The following ZNF469 variants were observed in gnomAD, a reference collection of about 807,000 sequenced individuals.
The protein encoded by ZNF469 is zinc finger protein 469.
In ZNF469, 1 loss-of-function variant was observed where a neutral mutation model predicts 1.0. That is an observed-to-expected ratio of 1.00 (90% CI 0.35 to 4.73). The LOEUF (loss-of-function observed/expected upper bound fraction) is 4.73, where lower values mean the gene tolerates loss of function less well. Ranked by LOEUF, ZNF469 falls within the 30% of genes most tolerant of loss-of-function variation. ZNF469 has a pLI of 0.16. For missense variants in ZNF469, 6,100 were observed against 5,356.3 expected (o/e 1.14, Z -4.33); for synonymous variants, 2,703 against 2,363.4 (o/e 1.14, Z -4.17).
At chr16:88,148,997 G>A in the ZNF469 span, among the ~76,000 whole-genome samples, 9 of 152,194 alleles carry the variant, frequency 5.9e-5, no homozygotes. Flanking sequence ...CATCCTCAAG[G>A]GTGAGGTCAG....
chr16:88,399,508 C>T (rs1462460272), intron 1 of ZNF469, among the ~76,000 whole-genome samples: 1 of 152,122 alleles, frequency 6.6e-6, no homozygotes, highest in African/African-American at 2.4e-5. Flanking sequence ...GTGAGAAGCC[C>T]GGCTGTGGGT....
chr16:88,369,714 C>T, the ZNF469 span, among the ~76,000 whole-genome samples: 5 of 152,234 alleles, frequency 3.3e-5, no homozygotes, highest in Non-Finnish European at 7.3e-5. Flanking sequence ...GATGACAGAG[C>T]AGGCTCTTGC....
chr16:88,314,190 G>A, the ZNF469 span, among the ~76,000 whole-genome samples: 1 of 125,144 alleles, frequency 8.0e-6, no homozygotes, highest in Admixed American at 7.7e-5. Flanking sequence ...TGTCATCTCT[G>A]TAATTCAGGC....
the ZNF469 span, among the ~76,000 whole-genome samples, chr16:88,331,473 T>C: frequency 3.4e-5 from 5 of 148,138 alleles, no homozygotes; most frequent in African/African-American, 1.3e-4. Flanking sequence ...ACTACCACCA[T>C]CATCACCATC....
chr16:88,168,188 T>G, the ZNF469 span, among the ~76,000 whole-genome samples: 1 of 152,192 alleles, frequency 6.6e-6, no homozygotes, highest in Non-Finnish European at 1.5e-5. This position sits in a 1 kb window ranked among gnomAD's most constrained non-coding sequence, Gnocchi z 4.3. Flanking sequence ...GAGCCAAGAG[T>G]TAACAGAAGC....
chr16:88,256,871 C>CTTTCT, the ZNF469 span, among the ~76,000 whole-genome samples: 14 of 139,814 alleles, frequency 1.0e-4, 1 homozygote, highest in African/African-American at 3.1e-4. Flanking sequence ...TCCTTCCTTT[C>CTTTCT]TTTCTTTTCT....
At chr16:88,143,502 G>A in the ZNF469 span, among the ~76,000 whole-genome samples, 3 of 151,986 alleles carry the variant, frequency 2.0e-5, no homozygotes, top group Non-Finnish European at 4.4e-5. Context: ...CCTGGAACTG[G>A]AAGTGGGGAT....
At chr16:88,132,419 G>C in the ZNF469 span, among the ~76,000 whole-genome samples, 1 of 152,110 alleles carries the variant, frequency 6.6e-6, no homozygotes, top group Non-Finnish European at 1.5e-5. Context: ...AGAGCGCCGC[G>C]TAGCCGGCGG....
the ZNF469 span, among the ~76,000 whole-genome samples, chr16:88,292,770 T>C: frequency 1.4e-5 from 2 of 139,148 alleles, no homozygotes; most frequent in Non-Finnish European, 1.5e-5. Context: ...ACTTTCCCCA[T>C]ATGTTAGCTG....
the ZNF469 span, among the ~76,000 whole-genome samples, chr16:88,251,849 G>A: frequency 8.6e-5 from 13 of 151,986 alleles, no homozygotes; most frequent in South Asian, 6.3e-4. Flanking sequence ...GTGAGTCACC[G>A]CGCCGGGCCC....
upstream of ZNF469, among the ~76,000 whole-genome samples, chr16:88,380,326 TGCACTC>T (rs2092517912): frequency 1.3e-5 from 1 of 78,630 alleles, no homozygotes; most frequent in Non-Finnish European, 2.4e-5. Context: ...CACTCACACA[TGCACTC>T]ACACATGCGC....
upstream of ZNF469, among the ~76,000 whole-genome samples, chr16:88,380,148 C>T (rs894071195): frequency 6.9e-6 from 1 of 145,394 alleles, no homozygotes; most frequent in Non-Finnish European, 1.5e-5. Context: ...CACACTCACA[C>T]ACAAATGCAC....
At chr16:88,172,027 C>G in the ZNF469 span, among the ~76,000 whole-genome samples, 2 of 152,170 alleles carry the variant, frequency 1.3e-5, no homozygotes, top group South Asian at 2.1e-4. Context: ...AGAAAGGACA[C>G]AAGTGTCCCA....
At chr16:88,148,292 A>G in the ZNF469 span, among the ~76,000 whole-genome samples, 1 of 152,108 alleles carries the variant, frequency 6.6e-6, no homozygotes, top group South Asian at 2.1e-4. Context: ...CACCACCCCC[A>G]TGGGGCCTGC....
At chr16:88,245,974 T>A in the ZNF469 span, among the ~76,000 whole-genome samples, 744 of 152,354 alleles carry the variant, frequency 4.9e-3, 3 homozygotes, top group African/African-American at 0.017. Flanking sequence ...TTGCTTTGGC[T>A]CATCCAACAA....
At chr16:88,113,805 G>T in the ZNF469 span, among the ~76,000 whole-genome samples, 2 of 152,224 alleles carry the variant, frequency 1.3e-5, no homozygotes, top group African/African-American at 4.8e-5. Context: ...GGTGCAGGCT[G>T]CAGGGAGATC....
At chr16:88,115,709 C>G in the ZNF469 span, among the ~76,000 whole-genome samples, 4 of 150,940 alleles carry the variant, frequency 2.7e-5, no homozygotes, top group South Asian at 8.5e-4. Context: ...TCTGGGGGCT[C>G]TGGGTCCTTC....
intron 1 of ZNF469, among the ~76,000 whole-genome samples, chr16:88,392,211 G>A (rs965275058): frequency 7.2e-5 from 11 of 152,366 alleles, no homozygotes; most frequent in Admixed American, 1.3e-4. Flanking sequence ...AGGAAGTCGC[G>A]TGCGCTCTGC....
upstream of ZNF469, among the ~76,000 whole-genome samples, chr16:88,380,513 G>GCA (rs1478842562): frequency 0.061 from 5,470 of 89,240 alleles, 194 homozygotes; most frequent in Admixed American, 0.15. Context: ...ACACAGACAT[G>GCA]CACACACACG....
Sources: allele counts gnomAD v4.1 joint callset (sites outside exome capture counted in the v4.1 genomes callset), GRCh38; gene constraint gnomAD v4.1.1; non-coding constraint Gnocchi (gnomAD v3.1); transcripts MANE v1.5; gene names NCBI Gene and HGNC (gene_info 2026-07-23, HGNC 2026-07-21).